Variants in RBFOX1 observed in about 807,000 individuals in gnomAD.
The protein encoded by RBFOX1 is RNA binding protein fox-1 homolog 1.
A neutral mutation model predicts 57.7 loss-of-function variants in RBFOX1; 8 were observed. The ratio of observed to expected loss-of-function variants is 0.14; its 90% confidence interval spans 0.08 to 0.25. The LOEUF is 0.25. Among genes scored for constraint, RBFOX1 ranks in the 10% least tolerant of loss-of-function variants. The pLI, the probability that RBFOX1 is intolerant of heterozygous loss-of-function variation, is 1.00. For missense variants in RBFOX1, 611 were observed against 548.5 expected, an observed-to-expected ratio of 1.11 and a Z score of -1.14; for synonymous variants, 326 against 222.4, an observed-to-expected ratio of 1.47 and a Z score of -4.15.
At chr16:5,732,327 C>T (rs1336945572) in intron 3 of RBFOX1, among the ~76,000 whole-genome samples, 4 of 152,222 alleles carry the variant, frequency 2.6e-5, no homozygotes, top group Non-Finnish European at 4.4e-5. Flanking sequence ...GTACCTTCTT[C>T]ATTAAAATTA....
intron 3 of RBFOX1, among the ~76,000 whole-genome samples, chr16:6,935,335 A>T (rs960991249): frequency 2.0e-5 from 3 of 152,142 alleles, no homozygotes; most frequent in Non-Finnish European, 2.9e-5. Flanking sequence ...CCCTTCATAA[A>T]GTAGAGCCTC....
intron 4 of RBFOX1, among the ~76,000 whole-genome samples, chr16:7,433,608 C>G (rs1013989654): frequency 2.0e-4 from 30 of 152,318 alleles, no homozygotes; most frequent in Admixed American, 1.2e-3. Flanking sequence ...ACACTGACTT[C>G]ACGTGTTTGA....
intron 1 of RBFOX1, among the ~76,000 whole-genome samples, chr16:5,330,998 A>C (rs1398188291): frequency 1.3e-5 from 2 of 152,120 alleles, no homozygotes; most frequent in African/African-American, 4.8e-5. Flanking sequence ...TTTCCAATTA[A>C]ATTTAAGTCA....
chr16:7,336,776 G>T (rs148847572), intron 4 of RBFOX1, among the ~76,000 whole-genome samples: 1 of 152,178 alleles, frequency 6.6e-6, no homozygotes, highest in African/African-American at 2.4e-5. Flanking sequence ...TCCTATATCT[G>T]TAATTGTAAA....
chr16:5,643,655 A>G (rs1047299316), intron 3 of RBFOX1, among the ~76,000 whole-genome samples: 13 of 152,198 alleles, frequency 8.5e-5, no homozygotes, highest in African/African-American at 2.9e-4. Flanking sequence ...GATTTGATGT[A>G]GGAACTTCAG....
intron 4 of RBFOX1, among the ~76,000 whole-genome samples, chr16:7,489,985 C>G (rs927403581): frequency 6.6e-6 from 1 of 152,148 alleles, no homozygotes; most frequent in Non-Finnish European, 1.5e-5. Flanking sequence ...AGATGTGTCT[C>G]TCTCCAAAAT....
intron 3 of RBFOX1, among the ~76,000 whole-genome samples, chr16:6,940,233 T>A (rs2078128236): frequency 6.6e-6 from 1 of 152,118 alleles, no homozygotes; most frequent in Admixed American, 6.6e-5. Context: ...TACAGGTAGG[T>A]TACCTCTGGC....
At chr16:5,502,277 T>A (rs1055422611) in intron 2 of RBFOX1, among the ~76,000 whole-genome samples, 1 of 152,108 alleles carries the variant, frequency 6.6e-6, no homozygotes, top group African/African-American at 2.4e-5. Flanking sequence ...TTTCACCCCA[T>A]GAAATGGAGA....
chr16:7,403,247 G>C (rs1468424994), intron 4 of RBFOX1, among the ~76,000 whole-genome samples: 2 of 152,136 alleles, frequency 1.3e-5, no homozygotes, highest in African/African-American at 4.8e-5. Context: ...AGATCACTTA[G>C]AATCTAGTCT....
intron 1 of RBFOX1, among the ~76,000 whole-genome samples, chr16:6,127,451 G>A (rs899347117): frequency 3.3e-5 from 5 of 152,138 alleles, no homozygotes; most frequent in Non-Finnish European, 5.9e-5. Context: ...ACGTAGGCAA[G>A]GCAGGGATTT....
intron 2 of RBFOX1, among the ~76,000 whole-genome samples, chr16:6,457,174 C>T (rs12922461): frequency 0.043 from 6,502 of 152,152 alleles, 206 homozygotes; most frequent in Non-Finnish European, 0.066. Flanking sequence ...AGACGTTTCC[C>T]AGAGGAGAAA....
chr16:7,409,603 T>G (rs1408566236), intron 4 of RBFOX1, among the ~76,000 whole-genome samples: 3 of 152,200 alleles, frequency 2.0e-5, no homozygotes, highest in Non-Finnish European at 4.4e-5. Context: ...ACATATTACG[T>G]TCGTTTGGAT....
At chr16:7,151,132 A>G (rs375043373) in intron 4 of RBFOX1, among the ~76,000 whole-genome samples, 15 of 152,312 alleles carry the variant, frequency 9.8e-5, no homozygotes, top group East Asian at 1.9e-4. Flanking sequence ...GCAATGTCCT[A>G]TGTAAACTTA....
chr16:5,729,671 A>C (rs1214456789), intron 3 of RBFOX1, among the ~76,000 whole-genome samples: 1 of 151,552 alleles, frequency 6.6e-6, no homozygotes, highest in Non-Finnish European at 1.5e-5. Flanking sequence ...CTGGCCACAA[A>C]CTCCACTCAG....
chr16:7,315,420 A>G (rs1313889357), intron 4 of RBFOX1, among the ~76,000 whole-genome samples: 1 of 151,658 alleles, frequency 6.6e-6, no homozygotes, highest in African/African-American at 2.4e-5. Context: ...GAAGGAATAA[A>G]TGCAAAGACA....
rs568730498 is a variant in RBFOX1, at chr16:6,526,096, G to A, written c.-63-128507G>A. ...GTTTTCATTCCTTGGATGTGCGATA[G>A]GGTAAGAAGATAAAGTGAGTCATGG... On this transcript the variant is annotated intron_variant, in intron 2 of 15. Transcript: ENST00000550418. Among the ~76,000 whole-genome samples the A allele has an allele frequency of 2.0e-5, 3 of 152,284 alleles. No homozygotes were observed. The East Asian group carries it at 5.8e-4, about 29-fold the overall frequency.
intron 3 of RBFOX1, among the ~76,000 whole-genome samples, chr16:5,615,166 C>T (rs996140495): frequency 2.6e-5 from 4 of 152,312 alleles, no homozygotes; most frequent in Admixed American, 1.3e-4. Context: ...TCCCAAGTAG[C>T]TGGAACTACA....
chr16:6,822,456 T>G (rs1416791223), intron 3 of RBFOX1, among the ~76,000 whole-genome samples: 1 of 152,228 alleles, frequency 6.6e-6, no homozygotes, highest in Non-Finnish European at 1.5e-5. Flanking sequence ...TTGGAGGAAC[T>G]TTCAGAGAAA....
chr16:6,566,568 T>G (rs141541526), intron 2 of RBFOX1, among the ~76,000 whole-genome samples: 18 of 152,318 alleles, frequency 1.2e-4, no homozygotes, highest in Admixed American at 3.3e-4. Context: ...GTCGAGACCT[T>G]TGTTTGCCGA....
Sources: allele counts gnomAD v4.1 joint callset (sites outside exome capture counted in the v4.1 genomes callset), GRCh38; gene constraint gnomAD v4.1.1; transcripts MANE v1.5; gene names NCBI Gene and HGNC (gene_info 2026-07-23, HGNC 2026-07-21).